EVI5: variants seen among roughly 807,000 people sequenced by gnomAD.
EVI5 encodes ecotropic viral integration site 5, also known as ecotropic viral integration site 5 protein homolog.
In EVI5, 73 loss-of-function variants were observed where a neutral mutation model predicts 112.0. The observed-to-expected ratio is 0.65, with a 90% CI of 0.54 to 0.79. The LOEUF is 0.79. Among genes scored for constraint, EVI5 ranks in the 30% least tolerant of loss-of-function variants. The probability of loss-of-function intolerance (pLI) is 0.00; values close to 1 mark genes in which losing one functional copy is unlikely to be tolerated. For synonymous variants in EVI5, 305 were observed against 319.9 expected, an observed-to-expected ratio of 0.95 and a Z score of 0.50; for missense variants, 900 against 968.8, an observed-to-expected ratio of 0.93 and a Z score of 0.94.
rs546966216 is a variant in EVI5 at position 92,576,415 on chromosome 1, A to G, written c.2071-12678T>C. Reference sequence around the variant, plus strand: ...ATTAAGAGACTAACCTATAGATTTAACCTTTCAGTGCTATGAAGTCCAAAG... The same window carrying G: ...ATTAAGAGACTAACCTATAGATTTAGCCTTTCAGTGCTATGAAGTCCAAAG... On this transcript the variant is annotated intron_variant, in intron 18 of 19. Transcript: ENST00000684568. 1.7e-3 allele frequency among the ~76,000 whole-genome samples: 265 copies of G among 152,240 alleles called. 1 individual carries two copies. Among genetic ancestry groups the G allele is most frequent in the African/African-American group, 5.8e-3 (243 of 41,546 alleles).
chr1:92,768,079 C>CA (rs11449365), intron 1 of EVI5, among the ~76,000 whole-genome samples: 7,902 of 135,004 alleles, frequency 0.059, 669 homozygotes, highest in African/African-American at 0.19. Flanking sequence ...GACCCTATCT[C>CA]AAAAAAAAAA....
At chr1:92,754,211 C>A (rs978300086) in intron 1 of EVI5, among the ~76,000 whole-genome samples, 7 of 152,250 alleles carry the variant, frequency 4.6e-5, no homozygotes, top group Admixed American at 4.6e-4. Context: ...GATTTAATAT[C>A]CCTTCTAAAT....
intron 14 of EVI5, among the ~76,000 whole-genome samples, chr1:92,630,853 T>A (rs1340489668): frequency 6.6e-6 from 1 of 152,182 alleles, no homozygotes; most frequent in African/African-American, 2.4e-5. Flanking sequence ...GTATAAGGTG[T>A]AAGGAAGGGA....
intron 14 of EVI5, among the ~76,000 whole-genome samples, chr1:92,628,106 A>G (rs1221134530): frequency 1.3e-5 from 2 of 152,110 alleles, no homozygotes; most frequent in Non-Finnish European, 2.9e-5. Context: ...GTACATTTTC[A>G]TGTTTGTTGG....
At chr1:92,556,972 T>G (rs552087707) in intron 19 of EVI5, among the ~76,000 whole-genome samples, 82 of 152,192 alleles carry the variant, frequency 5.4e-4, no homozygotes, top group Admixed American at 2.3e-3. Flanking sequence ...CTACCATTCC[T>G]GTCTATATAA....
intron 13 of EVI5, among the ~76,000 whole-genome samples, chr1:92,638,405 T>TA (rs200182575): frequency 2.5e-3 from 377 of 152,120 alleles, no homozygotes; most frequent in African/African-American, 8.6e-3. Flanking sequence ...TGTAAATTTT[T>TA]TTGCCACTGA....
chr1:92,703,273 C>T lies in EVI5; in HGVS notation c.564+122G>A, dbSNP rs553009006. The T allele has an allele frequency of 3.6e-4, 227 of 631,422 alleles. 2 individuals are homozygous for T. The South Asian group carries it at 4.6e-3, about 13-fold the overall frequency. The allele number at this position is 631,422 out of a possible 1,614,324, so 39.1% of individuals were successfully genotyped here. On this transcript the variant is annotated intron_variant, in intron 4 of 19. Coordinates refer to ENST00000684568, the MANE Select transcript of EVI5 (RefSeq NM_001350197.2). Reference sequence around the variant, plus strand: ...AATTAAGGCAAAAATGATGCTAAAACCAATTTCACTGCCAAAGCAACTGAT... The same window carrying T: ...AATTAAGGCAAAAATGATGCTAAAATCAATTTCACTGCCAAAGCAACTGAT...
At chr1:92,584,564 G>A (rs1451742126) in intron 18 of EVI5, among the ~76,000 whole-genome samples, 1 of 152,120 alleles carries the variant, frequency 6.6e-6, no homozygotes, top group Admixed American at 6.5e-5. Flanking sequence ...TTTGTACTTT[G>A]CCAAAAGAAA....
intron 18 of EVI5, among the ~76,000 whole-genome samples, chr1:92,567,482 T>C (rs1262132887): frequency 6.6e-6 from 1 of 152,218 alleles, no homozygotes; most frequent in Non-Finnish European, 1.5e-5. Context: ...TTAAATCTTT[T>C]ATATCATATT....
At position 92,629,658 on chromosome 1, in the gene EVI5, TTTTTTTTC is replaced by T. The variant is rs374067937; in HGVS notation, c.1528-3732_1528-3725del. Among the ~76,000 whole-genome samples, 700 of 152,120 alleles carry T rather than the reference TTTTTTTTC, an allele frequency of 4.6e-3. 5 individuals carry two copies. Among genetic ancestry groups the T allele is most frequent in the African/African-American group, 0.016 (658 of 41,498 alleles). On this transcript the variant is annotated intron_variant, in intron 14 of 19. Transcript: ENST00000684568. ...CAACTACACTCAGATGAAATTTTCTTTTTTTTTCTTTTTTTCTTTTATTATACTTTAAG... is the reference window on the plus strand; with the variant it reads ...CAACTACACTCAGATGAAATTTTCTTTTTTTTTCTTTTATTATACTTTAAG...
At chr1:92,617,004 C>A (rs1008324233) in intron 16 of EVI5, among the ~76,000 whole-genome samples, 1 of 152,240 alleles carries the variant, frequency 6.6e-6, no homozygotes, top group African/African-American at 2.4e-5. Flanking sequence ...TCCTGCCACC[C>A]TGTCTTCTCT....
At chr1:92,594,239 C>A (rs1246392904) in intron 18 of EVI5, among the ~76,000 whole-genome samples, 1 of 152,040 alleles carries the variant, frequency 6.6e-6, no homozygotes, top group African/African-American at 2.4e-5. Context: ...TGGAACAGAA[C>A]AGAGCCCTCA....
At chr1:92,565,349 T>C (rs943370794) in intron 18 of EVI5, among the ~76,000 whole-genome samples, 1 of 152,228 alleles carries the variant, frequency 6.6e-6, no homozygotes, top group African/African-American at 2.4e-5. Context: ...TGAAGATCAT[T>C]CAATATCAGT....
chr1:92,556,053 TTTTC>T (rs1054098205), intron 19 of EVI5, among the ~76,000 whole-genome samples: 6 of 151,606 alleles, frequency 4.0e-5, no homozygotes, highest in East Asian at 1.9e-4. Context: ...TTAACCACTT[TTTTC>T]TTTCTTTCTT....
rs745972178 is a variant in EVI5 at position 92,529,869 on chromosome 1, CATAA to C, written c.2167-15903_2167-15900del. Among the ~76,000 whole-genome samples the C allele has an allele frequency of 1.1e-4, 17 of 152,168 alleles. 1 individual carries two copies. In the South Asian group the frequency reaches 1.7e-3, roughly 15 times the overall value. ...TAAAATAAATCAATGGGCATATTTT[CATAA>C]ATACTTTCATAAAAATTATGCTTAC... On this transcript the variant is annotated intron_variant, in intron 19 of 19. Transcript: ENST00000684568.
intron 18 of EVI5, among the ~76,000 whole-genome samples, chr1:92,594,937 G>C (rs1310982840): frequency 6.6e-6 from 1 of 152,144 alleles, no homozygotes; most frequent in Non-Finnish European, 1.5e-5. Flanking sequence ...GAGAGGATGT[G>C]GAGATAGGAA....
intron 1 of EVI5, among the ~76,000 whole-genome samples, chr1:92,769,732 A>T (rs1421931351): frequency 6.6e-6 from 1 of 152,022 alleles, no homozygotes; most frequent in East Asian, 1.9e-4. Flanking sequence ...AAAAATATAT[A>T]AAAAATTAGC....
At chr1:92,747,852 C>T (rs1679546622) in intron 1 of EVI5, among the ~76,000 whole-genome samples, 1 of 151,924 alleles carries the variant, frequency 6.6e-6, no homozygotes, top group South Asian at 2.1e-4. Context: ...CTTGCCTCTT[C>T]CTAGCTTTGG....
At chr1:92,788,960 TATC>T (rs1460402697), upstream of EVI5, among the ~76,000 whole-genome samples, 1 of 152,204 alleles carries the variant, frequency 6.6e-6, no homozygotes, top group Non-Finnish European at 1.5e-5. Flanking sequence ...TAGGTATTAT[TATC>T]ATAACCCCCT....
Sources: allele counts gnomAD v4.1 joint callset (sites outside exome capture counted in the v4.1 genomes callset), GRCh38; gene constraint gnomAD v4.1.1; transcripts MANE v1.5; gene names NCBI Gene and HGNC (gene_info 2026-07-23, HGNC 2026-07-21).